Variants in SETD1B observed in about 807,000 individuals in gnomAD.
SETD1B encodes the protein histone-lysine N-methyltransferase SETD1B.
SETD1B carries 7 observed loss-of-function variants against 148.0 expected under a neutral mutation model. The observed-to-expected ratio is 0.05, with a 90% CI of 0.03 to 0.09. The LOEUF (loss-of-function observed/expected upper bound fraction) is 0.09, where lower values mean the gene tolerates loss of function less well. Ranked by LOEUF, SETD1B falls within the 10% of genes least tolerant of loss-of-function variation. The pLI, the probability that SETD1B is intolerant of heterozygous loss-of-function variation, is 1.00. For synonymous variants in SETD1B, 1,361 were observed against 1,186.5 expected (o/e 1.15, Z -3.02); for missense variants, 2,155 against 2,729.9 (o/e 0.79, Z 4.69).
At chr12:121,811,678 C>T (rs1382809316) in intron 6 of SETD1B, among the ~76,000 whole-genome samples, 1 of 152,152 alleles carries the variant, frequency 6.6e-6, no homozygotes, top group Non-Finnish European at 1.5e-5. Flanking sequence ...TGGGCATGGG[C>T]AGTCAGGGGC....
the SETD1B span, chr12:121,797,823 AAGG>A: frequency 1.7e-5 from 6 of 346,570 alleles, no homozygotes; most frequent in Non-Finnish European, 3.4e-5. Flanking sequence ...GGGAGTATAG[AAGG>A]AGGAGGCTTT....
intron 10 of SETD1B, among the ~76,000 whole-genome samples, chr12:121,818,812 C>A (rs1876422803): frequency 2.0e-5 from 3 of 151,140 alleles, no homozygotes; most frequent in East Asian, 1.9e-4. Flanking sequence ...ATGGCGTGAA[C>A]CCAGGAGGCG....
chr12:121,814,861 C>T lies in SETD1B; in HGVS notation c.2646C>T (p.Arg882=), dbSNP rs1257697067. ...LKAIMKRDLN[R]KMVEVVAFRA... ...CCATCATGAAGCGTGACCTGAACCG[C>T]AAGATGGTGGAAGTGGTGGCTTTCC... is the stretch of plus-strand genomic sequence containing the variant. Residue 882 remains arginine, a synonymous_variant, in exon 7 of 17, where the codon CGC becomes CGT. Coordinates refer to ENST00000604567, the MANE Select transcript of SETD1B (RefSeq NM_001353345.2). The T allele has an allele frequency of 6.4e-7, 1 of 1,550,770 alleles. No individual in the cohort carries two copies. The highest frequency in any genetic ancestry group is 8.7e-7 in the Non-Finnish European group (1 of 1,146,610).
At chr12:121,826,617 ACAGG>A (rs1733038501) in intron 13 of SETD1B, among the ~76,000 whole-genome samples, 1 of 152,080 alleles carries the variant, frequency 6.6e-6, no homozygotes, top group Non-Finnish European at 1.5e-5. Flanking sequence ...TCCTGGGGTG[ACAGG>A]CAGCAGAGGG....
At chr12:121,793,379 G>T in the SETD1B span, 2 of 1,447,766 alleles carry the variant, frequency 1.4e-6, no homozygotes, top group South Asian at 2.5e-5. Context: ...CCGAGGGGGC[G>T]CCCCGGGGTG....
chr12:121,827,340 C>T (rs554236569), intron 13 of SETD1B, among the ~76,000 whole-genome samples, 179 bp from the exon 14 acceptor site: 7 of 152,250 alleles, frequency 4.6e-5, no homozygotes, highest in South Asian at 4.1e-4. Context: ...GAGCTTGAGA[C>T]GCTCAGATAC....
In SETD1B at chr12:121,832,611, T is replaced by C; in HGVS notation, c.*2372T>C. 3.8e-6 allele frequency: 1 copy of C among 264,822 alleles called. No homozygotes were observed. The highest frequency in any genetic ancestry group is 3.4e-5 in the South Asian group (1 of 29,684). The allele number at this position is 264,822 out of a possible 1,614,324, so 16.4% of individuals were successfully genotyped here. ...AATACTATGTACCATTGTATTATAG[T>C]AACTTTTATAAAGCAAACCATAAAT... On this transcript the variant is annotated 3_prime_UTR_variant, in exon 17 of 17. Transcript: ENST00000604567.
the SETD1B span, chr12:121,795,890 TGGAGG>T: frequency 6.6e-6 from 1 of 152,576 alleles, no homozygotes; most frequent in Non-Finnish European, 1.5e-5. Flanking sequence ...TGCACAGAAG[TGGAGG>T]CGGGAAATAA....
At chr12:121,794,014 T>G in the SETD1B span, 1 of 175,852 alleles carries the variant, frequency 5.7e-6, no homozygotes, top group Non-Finnish European at 1.2e-5. Context: ...ACCCTCTGAT[T>G]GGCTGGCGCG....
Position 121,827,850 on chromosome 12 carries a change from G to A in SETD1B, c.5585G>A (p.Arg1862His). The change falls in exon 15 of 17, where the codon CGT (arginine) becomes CAT (histidine). Residue 1862 changes from arginine to histidine, a missense_variant. Around this residue, in one of 11 missense-constraint regions of SETD1B, gnomAD observed 51 missense variants for 162.8 expected, o/e 0.31. Transcript: ENST00000604567. ...MVIEYVGQNI[R>H]QVIADMREKR... is the part of the protein sequence containing the mutation. ...ATCGAGTACGTGGGCCAGAATATCC[G>A]TCAGGTAGGCACCGCCCGGCAGGAT... 6.4e-7 allele frequency: 1 copy of A among 1,558,378 alleles called. No individual in the cohort carries two copies. Among genetic ancestry groups the A allele is most frequent in the Non-Finnish European group, 8.7e-7 (1 of 1,150,310 alleles).
chr12:121,800,228 G>A (rs527989930), upstream of SETD1B: 3 of 152,178 alleles, frequency 2.0e-5, no homozygotes, highest in African/African-American at 4.8e-5. Context: ...CGCGCCTCGG[G>A]GGATCCCGGG....
At chr12:121,797,288 C>T in the SETD1B span, 8 of 377,454 alleles carry the variant, frequency 2.1e-5, no homozygotes, top group East Asian at 5.8e-4. Context: ...GCAAGTCCTG[C>T]CACCTCCTGG....
chr12:121,792,591 C>G, the SETD1B span, among the ~76,000 whole-genome samples: 1 of 152,250 alleles, frequency 6.6e-6, no homozygotes, highest in Admixed American at 6.5e-5. Context: ...CCACGCAATT[C>G]CAGAACCACC....
chr12:121,810,126 A>C lies in SETD1B; in HGVS notation c.1181A>C (p.Lys394Thr). ...PAQATPAPGF[K>T]SAFSPYQTPV... The stretch of plus-strand genomic sequence containing the variant: ...CAAGCAACCCCTGCTCCTGGATTCA[A>C]GTCTGCTTTCTCTCCGTATCAGACC... The change falls in exon 6 of 17, where the codon AAG becomes ACG. Residue 394 changes from lysine to threonine, a missense_variant. This residue lies in a region of SETD1B where 376 missense variants were observed against 385.0 expected (regional missense o/e 0.98). Transcript: ENST00000604567. This position sits in a 1 kb window ranked among gnomAD's most constrained non-coding sequence, Gnocchi z 7.6. The C allele has an allele frequency of 6.5e-7, 1 of 1,550,056 alleles. No individual in the cohort carries two copies. The highest frequency in any genetic ancestry group is 1.4e-5 in the African/African-American group (1 of 73,104).
At position 121,819,799 on chromosome 12, in the gene SETD1B, C is replaced by G; in HGVS notation, c.3814C>G (p.Pro1272Ala). The G allele has an allele frequency of 6.4e-7, 1 of 1,551,614 alleles. No homozygotes were observed. Among genetic ancestry groups the G allele is most frequent in the Non-Finnish European group, 8.7e-7 (1 of 1,146,948 alleles). The change falls in exon 11 of 17, where the codon CCA (proline) becomes GCA (alanine). Residue 1272 changes from proline to alanine, a missense_variant. Pro to Ala is a conservative substitution (Grantham distance 27). Around this residue, in one of 11 missense-constraint regions of SETD1B, gnomAD observed 862 missense variants for 873.8 expected, o/e 0.99. Coordinates refer to ENST00000604567, the MANE Select transcript of SETD1B (RefSeq NM_001353345.2). ...PADSREPPEE[P>A]GLSQEGAMLL... ...GGACTCCAGGGAGCCGCCTGAGGAA[C>G]CAGGCCTGAGCCAGGAAGGGGCCAT...
chr12:121,822,353 G>A (rs1420737727), intron 11 of SETD1B, 137 bp from the exon 12 acceptor site: 5 of 994,814 alleles, frequency 5.0e-6, no homozygotes, highest in African/African-American at 4.9e-5. Flanking sequence ...GAGTCCTTGA[G>A]GGGTTTAGCT....
At chr12:121,800,922 A>C (rs1875318282), upstream of SETD1B, 1 of 152,144 alleles carries the variant, frequency 6.6e-6, no homozygotes, top group Admixed American at 6.5e-5. Flanking sequence ...GGAAGGAAAG[A>C]GAGCCGCCGC....
chr12:121,808,841 C>T lies in SETD1B; in HGVS notation c.657+521C>T, dbSNP rs1298867741. On this transcript the variant is annotated intron_variant, in intron 5 of 16. Transcript: ENST00000604567. The surrounding 1 kb of genome is among the most constrained non-coding windows in gnomAD (Gnocchi z 5.3). ...TCCTCCCTGGCATCAGGCTGACTAG[C>T]TGCCACTGGCCTGTTCATCACTTTT... is the stretch of plus-strand genomic sequence containing the variant. 2.6e-5 allele frequency among the ~76,000 whole-genome samples: 4 copies of T among 152,214 alleles called. No individual in the cohort carries two copies. Among genetic ancestry groups the T allele is most frequent in the African/African-American group, 9.6e-5 (4 of 41,456 alleles).
chr12:121,797,335 C>G, the SETD1B span: 1 of 424,964 alleles, frequency 2.4e-6, no homozygotes, highest in Non-Finnish European at 4.7e-6. Flanking sequence ...TCTCTGCAAG[C>G]CCTGGGGCCC....
Sources: gnomAD v4.1 joint callset for allele counts (sites outside exome capture counted in the v4.1 genomes callset) on GRCh38, gnomAD v4.1.1 for gene constraint, gnomAD v4.1.1 regional missense constraint, Gnocchi (gnomAD v3.1) non-coding constraint, MANE v1.5 for transcripts, NCBI Gene and HGNC (gene_info 2026-07-23, HGNC 2026-07-21) for gene names.